The following PCDHGA10 variants were observed in gnomAD, a reference collection of about 807,000 sequenced individuals.
The protein encoded by PCDHGA10 is protocadherin gamma subfamily A, 10, also known as protocadherin gamma-A10.
In PCDHGA10, 42 loss-of-function variants were observed where a neutral mutation model predicts 59.5. That is an observed-to-expected ratio of 0.71 (90% CI 0.55 to 0.91). PCDHGA10 has a LOEUF of 0.91. Ranked by LOEUF, PCDHGA10 falls within the 40% of genes least tolerant of loss-of-function variation. The pLI is 0.00. For missense variants in PCDHGA10, 1,111 were observed against 1,198.2 expected, an observed-to-expected ratio of 0.93 and a Z score of 1.07; for synonymous variants, 511 against 517.2, an observed-to-expected ratio of 0.99 and a Z score of 0.16.
chr5:141,500,188 A>T (rs182086759), intron 2 of PCDHGA10, among the ~76,000 whole-genome samples: 173 of 98,190 alleles, frequency 1.8e-3, no homozygotes, highest in African/African-American at 4.0e-3. Flanking sequence ...TTTTATTTTT[A>T]TTTATTTATT....
At position 141,477,591 on chromosome 5, in the gene PCDHGA10, T is replaced by C; in HGVS notation, c.2437-17216T>C. On this transcript the variant is annotated intron_variant, in intron 1 of 3. Coordinates refer to ENST00000398610, the MANE Select transcript of PCDHGA10 (RefSeq NM_018913.3). This position sits in a 1 kb window ranked among gnomAD's most constrained non-coding sequence, Gnocchi z 4.9. Reference sequence around the variant, plus strand: ...CCCGACGCCCCGCAGAATGCTCGGCTTTCTTTCTTTCTCTTGGAGCAAGGA... The same window carrying C: ...CCCGACGCCCCGCAGAATGCTCGGCCTTCTTTCTTTCTCTTGGAGCAAGGA... The C allele has an allele frequency of 6.2e-7, 1 of 1,614,136 alleles. No homozygotes were observed. The highest frequency in any genetic ancestry group is 8.5e-7 in the Non-Finnish European group (1 of 1,180,016).
rs761379605 is a variant in PCDHGA10, at chr5:141,413,129, A to T, written c.-47A>T. The T allele has an allele frequency of 2.7e-5, 41 of 1,536,352 alleles. No homozygotes were observed. The highest frequency in any genetic ancestry group is 3.6e-5 in the Non-Finnish European group (41 of 1,141,854). On this transcript the variant is annotated 5_prime_UTR_variant, in exon 1 of 4. Coordinates refer to ENST00000398610, the MANE Select transcript of PCDHGA10 (RefSeq NM_018913.3). ...AAGACAAAGGAACCGGTTGAAACACACAACGTGTCCAGTGAGGACTTTGCA... is the reference window on the plus strand; with the variant it reads ...AAGACAAAGGAACCGGTTGAAACACTCAACGTGTCCAGTGAGGACTTTGCA...
chr5:141,497,796 TC>T (rs1251163385), intron 2 of PCDHGA10, among the ~76,000 whole-genome samples: 2 of 152,160 alleles, frequency 1.3e-5, no homozygotes, highest in African/African-American at 2.4e-5. Context: ...TGCTTCAGCT[TC>T]CCAAAGTGCT....
rs186490614 is a variant in PCDHGA10 at position 141,415,986 on chromosome 5, T to A, written c.2436+375T>A. 2.6e-4 allele frequency: 85 copies of A among 328,664 alleles called. 1 individual carries two copies. The highest frequency in any genetic ancestry group is 1.7e-3 in the African/African-American group (80 of 46,398). 20.4% of individuals were successfully genotyped at this position (328,664 alleles called of 1,614,324 possible). On this transcript the variant is annotated intron_variant, in intron 1 of 3. Transcript: ENST00000398610. ...CCAGCCCCTTAAGCAACCCTCTTGT[T>A]CTGAAGGCAGGTCTGGTAAGAATAG...
At chr5:141,481,963 TA>T (rs1158466251) in intron 1 of PCDHGA10, among the ~76,000 whole-genome samples, 1 of 148,746 alleles carries the variant, frequency 6.7e-6, no homozygotes, top group Non-Finnish European at 1.5e-5. Context: ...CAGGTGCCTG[TA>T]GTCACAGCTA....
chr5:141,494,439 C>T (rs1009257996), intron 1 of PCDHGA10, among the ~76,000 whole-genome samples: 1 of 152,126 alleles, frequency 6.6e-6, no homozygotes, highest in Non-Finnish European at 1.5e-5. Flanking sequence ...CCTCCTTTGC[C>T]ACTTTAGGGG....
intron 1 of PCDHGA10, among the ~76,000 whole-genome samples, chr5:141,435,840 T>G (rs1408413470): frequency 6.6e-6 from 1 of 152,118 alleles, no homozygotes; most frequent in Non-Finnish European, 1.5e-5. Context: ...CCTATCTACT[T>G]TGAAAGATAC....
intron 1 of PCDHGA10, chr5:141,441,662 C>T: frequency 3.8e-6 from 1 of 260,740 alleles, no homozygotes; most frequent in Non-Finnish European, 7.7e-6. Flanking sequence ...TGTCCTTGAG[C>T]GCACAGTGCG....
At chr5:141,478,526 G>A (rs1402123535) in intron 1 of PCDHGA10, 1 of 1,609,906 alleles carries the variant, frequency 6.2e-7, no homozygotes, top group Admixed American at 1.7e-5. Context: ...GTTGGGTGCA[G>A]AGAGCGCCCC....
rs1243321329 is a variant in PCDHGA10 at position 141,414,666 on chromosome 5, A to G, written c.1491A>G (p.Glu497=). 1 of 1,614,002 alleles carries G rather than the reference A, an allele frequency of 6.2e-7. No individual in the cohort carries two copies. The highest frequency in any genetic ancestry group is 1.7e-5 in the Admixed American group (1 of 60,034). Residue 497 remains glutamate (E), a synonymous_variant, in exon 1 of 4, where the codon GAA becomes GAG. Coordinates refer to ENST00000398610, the MANE Select transcript of PCDHGA10 (RefSeq NM_018913.3). ...ENAQIIYSLA[E]DTIQGVPLSS... is the part of the protein sequence containing the mutation. ...CCCAGATTATTTACTCCCTGGCTGA[A>G]GACACCATCCAGGGGGTACCTCTGT...
At chr5:141,454,620 G>T (rs1028840158) in intron 1 of PCDHGA10, among the ~76,000 whole-genome samples, 1 of 151,520 alleles carries the variant, frequency 6.6e-6, no homozygotes, top group East Asian at 1.9e-4. Flanking sequence ...TGGTCAGGCT[G>T]GTCTCGAACC....
At chr5:141,481,811 G>T (rs1050821120) in intron 1 of PCDHGA10, among the ~76,000 whole-genome samples, 3 of 151,892 alleles carry the variant, frequency 2.0e-5, no homozygotes, top group Admixed American at 1.3e-4. Flanking sequence ...AATTCACCAG[G>T]CGTGGTGGCT....
At chr5:141,426,882 C>A (rs528411309) in intron 1 of PCDHGA10, 1 of 456,664 alleles carries the variant, frequency 2.2e-6, no homozygotes, top group African/African-American at 2.0e-5. Context: ...GCCCCTGGGC[C>A]AGGAGCAACA....
chr5:141,495,122 C>T (rs1365586518), intron 2 of PCDHGA10, among the ~76,000 whole-genome samples: 2 of 152,282 alleles, frequency 1.3e-5, no homozygotes, highest in East Asian at 3.9e-4. Flanking sequence ...TTCCTATCCC[C>T]TGAGGGCACT....
In PCDHGA10 at chr5:141,512,267, G is replaced by C. The variant is rs2099884152; in HGVS notation, c.*1094G>C. On this transcript the variant is annotated 3_prime_UTR_variant, in exon 4 of 4. Coordinates refer to ENST00000398610, the MANE Select transcript of PCDHGA10 (RefSeq NM_018913.3). ...GCCTCTGTGGGTGCTGGGTACTCCA[G>C]AGGTGCCACTGGTGGAAGGGTCAGC... 2.6e-5 allele frequency: 4 copies of C among 152,744 alleles called. No homozygotes were observed. Among genetic ancestry groups the C allele is most frequent in the Admixed American group, 2.6e-4 (4 of 15,290 alleles). 9.5% of individuals were successfully genotyped at this position (152,744 alleles called of 1,614,324 possible). A position where few individuals can be genotyped will look rare whatever the true frequency, so the allele number is the denominator to read the frequency against.
At chr5:141,444,672 A>G (rs990955921) in intron 1 of PCDHGA10, among the ~76,000 whole-genome samples, 2 of 152,086 alleles carry the variant, frequency 1.3e-5, no homozygotes, top group Non-Finnish European at 2.9e-5. Flanking sequence ...ATTTTTTTCA[A>G]TACCATTTAT....
chr5:141,491,006 T>C lies in PCDHGA10; in HGVS notation c.2437-3801T>C. The C allele has an allele frequency of 6.2e-7, 1 of 1,614,062 alleles. No homozygotes were observed. Among genetic ancestry groups the C allele is most frequent in the Non-Finnish European group, 8.5e-7 (1 of 1,180,028 alleles). ...CGCTCTGCTCCTCCTGGCTCCTTGG[T>C]CACCAAGGTGACAGCCGTGGATGCT... On this transcript the variant is annotated intron_variant, in intron 1 of 3. Transcript: ENST00000398610. This position sits in a 1 kb window ranked among gnomAD's most constrained non-coding sequence, Gnocchi z 6.9.
intron 1 of PCDHGA10, chr5:141,430,789 C>A (rs2097310124): frequency 6.6e-7 from 1 of 1,515,808 alleles, no homozygotes; most frequent in Non-Finnish European, 8.8e-7. Context: ...ACCGGGACTA[C>A]AAAGGGCTTG....
chr5:141,444,305 A>G (rs62379165), intron 1 of PCDHGA10, among the ~76,000 whole-genome samples: 13,327 of 151,310 alleles, frequency 0.088, 765 homozygotes, highest in African/African-American at 0.16. Context: ...CCTAGTAGCT[A>G]GGATTACAGG....
Sources: gnomAD v4.1 joint callset for allele counts (sites outside exome capture counted in the v4.1 genomes callset) on GRCh38, gnomAD v4.1.1 for gene constraint, Gnocchi (gnomAD v3.1) non-coding constraint, MANE v1.5 for transcripts, NCBI Gene and HGNC (gene_info 2026-07-23, HGNC 2026-07-21) for gene names.